HECW1: variants seen among roughly 807,000 people sequenced by gnomAD.
HECW1 encodes the protein E3 ubiquitin-protein ligase HECW1.
Under a neutral mutation model 182.3 loss-of-function variants are expected in HECW1, and 61 were observed. That is an observed-to-expected ratio of 0.33 (90% CI 0.27 to 0.41). The LOEUF (loss-of-function observed/expected upper bound fraction) is 0.41, where lower values mean the gene tolerates loss of function less well. Among genes scored for constraint, HECW1 ranks in the 10% least tolerant of loss-of-function variants. The pLI, the probability that HECW1 is intolerant of heterozygous loss-of-function variation, is 1.00. For missense variants in HECW1, 1,739 were observed against 2,108.9 expected, an observed-to-expected ratio of 0.82 and a Z score of 3.44; for synonymous variants, 859 against 832.6, an observed-to-expected ratio of 1.03 and a Z score of -0.55.
chr7:43,116,512 G>A (rs1302983503), intron 2 of HECW1, among the ~76,000 whole-genome samples: 1 of 152,190 alleles, frequency 6.6e-6, no homozygotes, highest in South Asian at 2.1e-4. Context: ...ATGACCTACA[G>A]TTAGACCAGA....
At chr7:43,515,359 T>A (rs2080094748) in intron 24 of HECW1, among the ~76,000 whole-genome samples, 1 of 152,140 alleles carries the variant, frequency 6.6e-6, no homozygotes, top group Admixed American at 6.5e-5. Flanking sequence ...GAAAGTCAAC[T>A]CTGGTTACAA....
intron 8 of HECW1, among the ~76,000 whole-genome samples, chr7:43,428,642 A>C (rs974688584): frequency 1.3e-5 from 2 of 152,250 alleles, no homozygotes; most frequent in Non-Finnish European, 2.9e-5. Context: ...GTTGACCAAG[A>C]TATACAGATG....
chr7:43,310,466 T>C (rs1235217166), intron 3 of HECW1, among the ~76,000 whole-genome samples: 3 of 152,202 alleles, frequency 2.0e-5, no homozygotes, highest in Non-Finnish European at 4.4e-5. Flanking sequence ...GTCTGTCTTG[T>C]CTGCCTGTCA....
intron 28 of HECW1, among the ~76,000 whole-genome samples, chr7:43,554,196 C>T (rs2081945073): frequency 6.6e-6 from 1 of 152,212 alleles, no homozygotes. Flanking sequence ...TTGCCAAGAG[C>T]TAAGACAGCA....
intron 12 of HECW1, among the ~76,000 whole-genome samples, chr7:43,451,872 T>G (rs2077247415): frequency 1.3e-5 from 2 of 152,234 alleles, no homozygotes; most frequent in Non-Finnish European, 2.9e-5. Context: ...GACCCAGTGT[T>G]TCTTTACATT....
chr7:43,180,060 A>G (rs1792665473), intron 2 of HECW1, among the ~76,000 whole-genome samples: 1 of 143,730 alleles, frequency 7.0e-6, no homozygotes, highest in South Asian at 2.2e-4. Context: ...TCACAACTGC[A>G]CTTGCCAGTT....
intron 3 of HECW1, among the ~76,000 whole-genome samples, chr7:43,308,708 G>A (rs1051141867): frequency 2.0e-5 from 3 of 150,650 alleles, no homozygotes; most frequent in Non-Finnish European, 4.4e-5. Flanking sequence ...TGCAACCTCC[G>A]CCTCCTGGGT....
Position 43,445,163 on chromosome 7 carries a change from A to C in HECW1, c.1991A>C (p.Gln664Pro), listed in dbSNP as rs759426562. Residue 664 changes from glutamine (Q) to proline (P), a missense_variant, in exon 11 of 30, where the codon CAA (glutamine) becomes CCA (proline). This residue lies in a region of HECW1 where 971 missense variants were observed against 1,029.1 expected (regional missense o/e 0.94). Coordinates refer to ENST00000395891, the MANE Select transcript of HECW1 (RefSeq NM_015052.5). ...AGCGAGAGCGACTCCAGCCCCAGGC[A>C]AGGCGGGGACCACAGTTGCGAGGGC... ...TGSESDSSPRQGGDHSCEGCD... is the reference protein window; with the variant it reads ...TGSESDSSPRPGGDHSCEGCD... The C allele has an allele frequency of 6.2e-7, 1 of 1,611,332 alleles. No homozygotes were observed. The highest frequency in any genetic ancestry group is 1.7e-5 in the Admixed American group (1 of 59,980).
At chr7:43,236,321 G>T (rs757044095) in intron 2 of HECW1, among the ~76,000 whole-genome samples, 2 of 151,950 alleles carry the variant, frequency 1.3e-5, no homozygotes, top group Non-Finnish European at 2.9e-5. Context: ...AACCATTCAT[G>T]GGGGGGAAAA....
At chr7:43,323,348 C>A (rs868774776) in intron 5 of HECW1, among the ~76,000 whole-genome samples, 25 of 152,152 alleles carry the variant, frequency 1.6e-4, no homozygotes, top group Admixed American at 2.6e-4. Flanking sequence ...GTAATCCCAG[C>A]TTTGGGAGGC....
chr7:43,396,991 T>G lies in HECW1; in HGVS notation c.631+102T>G. 3.7e-6 allele frequency: 3 copies of G among 820,094 alleles called. No individual in the cohort carries two copies. The South Asian group carries it at 4.2e-5, about 12-fold the overall frequency. 50.8% of individuals were successfully genotyped at this position (820,094 alleles called of 1,614,324 possible). A position where few individuals can be genotyped will look rare whatever the true frequency, so the allele number is the denominator to read the frequency against. ...ACTCTTACCTACAAGTCAGTCAACC[T>G]CTCTGTGCCTCAATTTCTCAATCTG... On this transcript the variant is annotated intron_variant, in intron 7 of 29. Coordinates refer to ENST00000395891, the MANE Select transcript of HECW1 (RefSeq NM_015052.5).
At chr7:43,504,238 A>G (rs570510891) in intron 21 of HECW1, among the ~76,000 whole-genome samples, 218 of 152,210 alleles carry the variant, frequency 1.4e-3, no homozygotes, top group Non-Finnish European at 2.4e-3. Context: ...TTTGTCTGCA[A>G]TGACTTTCTC....
At chr7:43,469,218 T>G in intron 16 of HECW1, 113 bp downstream of exon 16, 2 of 1,141,050 alleles carry the variant, frequency 1.8e-6, no homozygotes, top group Non-Finnish European at 2.5e-6. Flanking sequence ...AGAGATGTGC[T>G]ATCGGCCGCC....
chr7:43,500,865 G>A, intron 20 of HECW1, 83 bp downstream of exon 20: 1 of 1,181,070 alleles, frequency 8.5e-7, no homozygotes, highest in Non-Finnish European at 1.3e-6. Flanking sequence ...AAATGGCCTA[G>A]ACTGAAAAAC....
intron 2 of HECW1, among the ~76,000 whole-genome samples, chr7:43,237,383 G>A (rs1040334195): frequency 6.6e-6 from 1 of 152,118 alleles, no homozygotes; most frequent in Non-Finnish European, 1.5e-5. Flanking sequence ...TCATCTGTTC[G>A]GTGTGTCTCC....
At chr7:43,547,680 C>T (rs1341451447) in intron 26 of HECW1, among the ~76,000 whole-genome samples, 1 of 152,232 alleles carries the variant, frequency 6.6e-6, no homozygotes, top group African/African-American at 2.4e-5. Context: ...ACAATGGTCC[C>T]TATGCTGGAT....
At chr7:43,532,415 A>C (rs904479686) in intron 24 of HECW1, among the ~76,000 whole-genome samples, 1 of 151,804 alleles carries the variant, frequency 6.6e-6, no homozygotes, top group East Asian at 1.9e-4. Flanking sequence ...GTTCATTCCA[A>C]AGACCCTACA....
At chr7:43,441,447 C>T (rs2076884159) in intron 9 of HECW1, among the ~76,000 whole-genome samples, 1 of 152,200 alleles carries the variant, frequency 6.6e-6, no homozygotes, top group African/African-American at 2.4e-5. Context: ...TACATATATA[C>T]CACAAGATAT....
chr7:43,410,616 A>ATGTT (rs1162059496), intron 8 of HECW1, among the ~76,000 whole-genome samples: 1 of 152,158 alleles, frequency 6.6e-6, no homozygotes, highest in Admixed American at 6.6e-5. Context: ...TCTTCCTTAA[A>ATGTT]TGTTTGATAT....
Sources: allele counts gnomAD v4.1 joint callset (sites outside exome capture counted in the v4.1 genomes callset), GRCh38; gene constraint gnomAD v4.1.1; regional missense constraint gnomAD v4.1.1; transcripts MANE v1.5; gene names NCBI Gene and HGNC (gene_info 2026-07-23, HGNC 2026-07-21).